Variants in PCDHGB3 observed in about 807,000 individuals in gnomAD.
PCDHGB3 encodes protocadherin gamma subfamily B, 3.
In PCDHGB3, 40 loss-of-function variants were observed where a neutral mutation model predicts 59.2. The ratio of observed to expected loss-of-function variants is 0.68; its 90% confidence interval spans 0.52 to 0.88. The LOEUF is 0.88. PCDHGB3 is among the 40% of genes least tolerant of loss of function. The probability of loss-of-function intolerance (pLI) is 0.00; values close to 1 mark genes in which losing one functional copy is unlikely to be tolerated. For missense variants in PCDHGB3, 1,309 were observed against 1,187.9 expected, an observed-to-expected ratio of 1.10 and a Z score of -1.50; for synonymous variants, 581 against 503.6, an observed-to-expected ratio of 1.15 and a Z score of -2.06.
At chr5:141,418,632 G>A in intron 1 of PCDHGB3, 1 of 1,614,028 alleles carries the variant, frequency 6.2e-7, no homozygotes, top group Non-Finnish European at 8.5e-7. Flanking sequence ...GTGCCTCCAG[G>A]CACCTCCATC....
intron 1 of PCDHGB3, chr5:141,404,341 AAAC>A (rs769977252): frequency 6.2e-7 from 1 of 1,613,966 alleles, no homozygotes; most frequent in Non-Finnish European, 8.5e-7. Flanking sequence ...ACCTCCCGGA[AAAC>A]AACGCCAGAG....
chr5:141,404,018 G>A (rs1280619437), intron 1 of PCDHGB3: 1 of 1,613,864 alleles, frequency 6.2e-7, no homozygotes, highest in African/African-American at 1.3e-5. Flanking sequence ...GTTTAGCCCA[G>A]TGAGAGAAGA....
intron 1 of PCDHGB3, among the ~76,000 whole-genome samples, chr5:141,437,514 C>G (rs2097891371): frequency 6.6e-6 from 1 of 152,114 alleles, no homozygotes; most frequent in South Asian, 2.1e-4. Flanking sequence ...AATTATAAGG[C>G]TGATGACAAA....
chr5:141,419,069 C>G, intron 1 of PCDHGB3: 1 of 1,613,912 alleles, frequency 6.2e-7, no homozygotes, highest in Admixed American at 1.7e-5. Context: ...TTACTACAAG[C>G]TAGTAACAGA....
intron 1 of PCDHGB3, chr5:141,441,669 T>C: frequency 3.5e-6 from 1 of 287,870 alleles, no homozygotes; most frequent in Non-Finnish European, 6.8e-6. Context: ...GAGCGCACAG[T>C]GCGCCTTCGA....
At chr5:141,383,983 C>G (rs769557615) in intron 1 of PCDHGB3, 1 of 1,613,794 alleles carries the variant, frequency 6.2e-7, no homozygotes, top group Non-Finnish European at 8.5e-7. Flanking sequence ...AGACACACCT[C>G]TTGGGACAGT....
At chr5:141,403,281 T>A in intron 1 of PCDHGB3, 1 of 1,613,908 alleles carries the variant, frequency 6.2e-7, no homozygotes, top group Non-Finnish European at 8.5e-7. Context: ...AAAGTCCTGG[T>A]TGAAGACAGA....
At chr5:141,401,626 C>G (rs1476531463) in intron 1 of PCDHGB3, among the ~76,000 whole-genome samples, 1 of 152,174 alleles carries the variant, frequency 6.6e-6, no homozygotes, top group Non-Finnish European at 1.5e-5. Flanking sequence ...TTTGTCTTAT[C>G]GTTTGGAGCT....
chr5:141,491,381 C>A lies in PCDHGB3; in HGVS notation c.2416-3426C>A. On this transcript the variant is annotated intron_variant, in intron 1 of 3. Transcript: ENST00000576222. This position sits in a 1 kb window ranked among gnomAD's most constrained non-coding sequence, Gnocchi z 6.9. ...CTAGTCACCTTCACCTTTCTGTCAGCGAAGTGCCTTCAGGGAAACGCAGAC... is the reference window on the plus strand; with the variant it reads ...CTAGTCACCTTCACCTTTCTGTCAGAGAAGTGCCTTCAGGGAAACGCAGAC... 2 of 1,614,068 alleles carry A rather than the reference C, an allele frequency of 1.2e-6. No homozygotes were observed. The highest frequency in any genetic ancestry group is 1.7e-6 in the Non-Finnish European group (2 of 1,179,950).
chr5:141,450,207 A>AAGG (rs1164364390), intron 1 of PCDHGB3, among the ~76,000 whole-genome samples: 13 of 151,832 alleles, frequency 8.6e-5, no homozygotes, highest in Non-Finnish European at 1.8e-4. Flanking sequence ...TAGTAGAGAC[A>AAGG]AGGTTTCACT....
At chr5:141,383,288 T>A (rs1441416956) in intron 1 of PCDHGB3, 2 of 1,613,768 alleles carry the variant, frequency 1.2e-6, no homozygotes, top group Middle Eastern at 1.6e-4. Flanking sequence ...AATGACAACG[T>A]TCCAAGATTC....
rs759191157 is a variant in PCDHGB3, at chr5:141,485,768, C to T, written c.2416-9039C>T. Reference sequence around the variant, plus strand: ...GGTCCCAGAGCTGCTCCTGGAGAAGCCTTTGGATCGAGAGAAGCAATCGGA... The same window carrying T: ...GGTCCCAGAGCTGCTCCTGGAGAAGTCTTTGGATCGAGAGAAGCAATCGGA... On this transcript the variant is annotated intron_variant, in intron 1 of 3. Transcript: ENST00000576222. This position sits in a 1 kb window ranked among gnomAD's most constrained non-coding sequence, Gnocchi z 5.7. The T allele has an allele frequency of 5.6e-6, 9 of 1,614,074 alleles. No individual in the cohort carries two copies. The highest frequency in any genetic ancestry group is 1.7e-5 in the Admixed American group (1 of 60,000).
At chr5:141,415,182 C>A (rs2095840318) in intron 1 of PCDHGB3, 1 of 1,613,842 alleles carries the variant, frequency 6.2e-7, no homozygotes, top group Admixed American at 1.7e-5. Flanking sequence ...TGGCCGTGGC[C>A]GACAGCATCC....
intron 1 of PCDHGB3, chr5:141,442,016 C>CCA (rs1561906409): frequency 4.6e-6 from 1 of 219,336 alleles, no homozygotes; most frequent in African/African-American, 2.4e-5. Context: ...GCACGATGGG[C>CCA]CACAGGAAAG....
intron 1 of PCDHGB3, among the ~76,000 whole-genome samples, chr5:141,380,866 A>G (rs945856253): frequency 3.3e-5 from 5 of 152,264 alleles, no homozygotes; most frequent in Admixed American, 3.3e-4. Context: ...GAGAGCTATA[A>G]CCTCCAAACA....
At chr5:141,480,033 C>T (rs370321166) in intron 1 of PCDHGB3, among the ~76,000 whole-genome samples, 1 of 152,106 alleles carries the variant, frequency 6.6e-6, no homozygotes, top group African/African-American at 2.4e-5. Flanking sequence ...AAGCCTCTTC[C>T]TCATATGCAA....
chr5:141,376,633 G>T, intron 1 of PCDHGB3: 15 of 913,104 alleles, frequency 1.6e-5, no homozygotes, highest in East Asian at 3.6e-5. Flanking sequence ...GAAGATTCGT[G>T]ATTTTGTAAA....
intron 1 of PCDHGB3, among the ~76,000 whole-genome samples, chr5:141,407,130 T>C (rs1218017139): frequency 1.3e-5 from 2 of 152,230 alleles, no homozygotes; most frequent in Non-Finnish European, 2.9e-5. Flanking sequence ...TTGCTTTATT[T>C]TTAAGAAAAA....
At position 141,476,668 on chromosome 5, in the gene PCDHGB3, G is replaced by A; in HGVS notation, c.2416-18139G>A. The A allele has an allele frequency of 6.2e-7, 1 of 1,614,262 alleles. No individual in the cohort carries two copies. Among genetic ancestry groups the A allele is most frequent in the Non-Finnish European group, 8.5e-7 (1 of 1,180,054 alleles). On this transcript the variant is annotated intron_variant, in intron 1 of 3. Transcript: ENST00000576222. This position sits in a 1 kb window ranked among gnomAD's most constrained non-coding sequence, Gnocchi z 7.6. ...GAAATGAATACTTTGCGCTTCGCGT[G>A]CAGACGCGGGAGGACAGCACCAAGT...
Sources: allele counts gnomAD v4.1 joint callset (sites outside exome capture counted in the v4.1 genomes callset), GRCh38; gene constraint gnomAD v4.1.1; non-coding constraint Gnocchi (gnomAD v3.1); transcripts MANE v1.5; gene names NCBI Gene and HGNC (gene_info 2026-07-23, HGNC 2026-07-21).